Variants in DIP2B observed in about 807,000 individuals in gnomAD.
DIP2B encodes disco-interacting protein 2 homolog B.
DIP2B carries 76 observed loss-of-function variants against 198.0 expected under a neutral mutation model. The ratio of observed to expected loss-of-function variants is 0.38; its 90% confidence interval spans 0.32 to 0.46. DIP2B has a LOEUF of 0.46. DIP2B is among the 20% of genes least tolerant of loss of function. The pLI, the probability that DIP2B is intolerant of heterozygous loss-of-function variation, is 0.99. For synonymous variants in DIP2B, 701 were observed against 739.1 expected, an observed-to-expected ratio of 0.95 and a Z score of 0.84; for missense variants, 1,559 against 1,978.4, an observed-to-expected ratio of 0.79 and a Z score of 4.02.
chr12:50,678,842 C>A lies in DIP2B; in HGVS notation c.1080C>A (p.Asp360Glu). ...AATGCTCCTGTCTGACTGCACTGGA[C>A]ATGACAGGGAAACCAGTTTACACTC... Reference protein sequence around the residue: ...QAKCSCLTALDMTGKPVYTLT... With the variant: ...QAKCSCLTALEMTGKPVYTLT... The change falls in exon 8 of 38, where the codon GAC becomes GAA. Residue 360 changes from aspartate to glutamate, a missense_variant. Physicochemically the swap from Asp to Glu is conservative, Grantham distance 45. Coordinates refer to ENST00000301180, the MANE Select transcript of DIP2B (RefSeq NM_173602.3). 6.2e-7 allele frequency: 1 copy of A among 1,614,200 alleles called. No individual in the cohort carries two copies. Among genetic ancestry groups the A allele is most frequent in the South Asian group, 1.1e-5 (1 of 91,088 alleles).
chr12:50,505,761 C>T (rs541320832), intron 1 of DIP2B, among the ~76,000 whole-genome samples: 11 of 152,222 alleles, frequency 7.2e-5, no homozygotes, highest in African/African-American at 2.6e-4. Context: ...GAGTGAGACA[C>T]AAGCGGGTGA....
intron 1 of DIP2B, among the ~76,000 whole-genome samples, chr12:50,619,164 A>G (rs1301778777): frequency 6.6e-6 from 1 of 152,246 alleles, no homozygotes; most frequent in South Asian, 2.1e-4. Flanking sequence ...CTCTCTGTCC[A>G]TTAAGACTGC....
In DIP2B at chr12:50,664,836, G is replaced by GTTTTTTTT. The variant is rs1159665939; in HGVS notation, c.427+4546_427+4553dup. Among the ~76,000 whole-genome samples the GTTTTTTTT allele has an allele frequency of 3.1e-3, 49 of 15,972 alleles. 2 individuals carry two copies. The highest frequency in any genetic ancestry group is 6.5e-3 in the African/African-American group (45 of 6,954). 10.5% of individuals were successfully genotyped at this position (15,972 alleles called of 152,430 possible). A position where few individuals can be genotyped will look rare whatever the true frequency, so the allele number is the denominator to read the frequency against. ...GAATTTCCCTCCTTTTTTGGTTTTTGTTTTTTTTTTTTTTTTTTTTTTTTT... is the reference window on the plus strand; with the variant it reads ...GAATTTCCCTCCTTTTTTGGTTTTTGTTTTTTTTTTTTTTTTTTTTTTTTTTTTTTTTT... On this transcript the variant is annotated intron_variant, in intron 4 of 37. Coordinates refer to ENST00000301180, the MANE Select transcript of DIP2B (RefSeq NM_173602.3).
intron 1 of DIP2B, among the ~76,000 whole-genome samples, chr12:50,587,402 A>T (rs570696859): frequency 4.6e-5 from 7 of 152,318 alleles, no homozygotes; most frequent in African/African-American, 1.7e-4. Flanking sequence ...TGACTAATTA[A>T]TGCAAAGCTA....
chr12:50,557,488 C>T (rs1236557265), intron 1 of DIP2B, among the ~76,000 whole-genome samples: 1 of 152,150 alleles, frequency 6.6e-6, no homozygotes, highest in African/African-American at 2.4e-5. Flanking sequence ...ATCGGCTGTA[C>T]ATTCTTACTT....
At chr12:50,583,319 A>G (rs1274366136) in intron 1 of DIP2B, among the ~76,000 whole-genome samples, 1 of 151,250 alleles carries the variant, frequency 6.6e-6, no homozygotes, top group African/African-American at 2.4e-5. Context: ...TTTGGCAGCC[A>G]GACTCCTCTT....
intron 27 of DIP2B, among the ~76,000 whole-genome samples, chr12:50,723,826 A>AT (rs1297319706): frequency 3.5e-4 from 54 of 152,288 alleles, no homozygotes; most frequent in Admixed American, 1.4e-3. Flanking sequence ...TATCTAGGCG[A>AT]TTTTAAATGC....
intron 17 of DIP2B, among the ~76,000 whole-genome samples, chr12:50,698,085 G>A (rs1939349441): frequency 6.7e-6 from 1 of 149,706 alleles, no homozygotes; most frequent in African/African-American, 2.5e-5. Flanking sequence ...TGTAGAGATG[G>A]GGGTCCCACT....
chr12:50,653,436 C>T (rs1392632959), intron 3 of DIP2B, among the ~76,000 whole-genome samples: 1 of 150,124 alleles, frequency 6.7e-6, no homozygotes, highest in Non-Finnish European at 1.5e-5. Context: ...AGTTCTCCCA[C>T]CTCAACCCCG....
At chr12:50,740,862 C>G (rs957756211) in intron 36 of DIP2B, among the ~76,000 whole-genome samples, 1 of 152,114 alleles carries the variant, frequency 6.6e-6, no homozygotes, top group Non-Finnish European at 1.5e-5. Context: ...TTCCTCTGTC[C>G]CTCCCCTCTG....
intron 1 of DIP2B, among the ~76,000 whole-genome samples, chr12:50,547,894 C>A (rs1206244865): frequency 5.3e-5 from 8 of 151,978 alleles, no homozygotes; most frequent in Non-Finnish European, 7.4e-5. Flanking sequence ...TGTAGTGAGA[C>A]CCCATCTTTA....
chr12:50,527,309 G>C (rs1236447442), intron 1 of DIP2B, among the ~76,000 whole-genome samples: 2 of 152,216 alleles, frequency 1.3e-5, no homozygotes, highest in Non-Finnish European at 2.9e-5. Context: ...TGTACACACA[G>C]AGTATTTGTC....
intron 7 of DIP2B, among the ~76,000 whole-genome samples, chr12:50,677,813 T>C (rs1373614309): frequency 1.3e-5 from 2 of 152,032 alleles, no homozygotes; most frequent in Non-Finnish European, 2.9e-5. Flanking sequence ...TCAGCTGACA[T>C]TGTTGAACAA....
intron 1 of DIP2B, among the ~76,000 whole-genome samples, chr12:50,541,811 G>A (rs1417585750): frequency 6.6e-6 from 1 of 150,716 alleles, no homozygotes; most frequent in Admixed American, 6.6e-5. Context: ...AGACCAGTCT[G>A]GCAAACATGG....
chr12:50,602,752 G>A (rs1593647776), intron 1 of DIP2B, among the ~76,000 whole-genome samples: 1 of 151,520 alleles, frequency 6.6e-6, no homozygotes, highest in South Asian at 2.1e-4. Flanking sequence ...TTAGCTACTC[G>A]GGAGGCTGAG....
At chr12:50,634,968 T>A (rs2139480785) in intron 2 of DIP2B, among the ~76,000 whole-genome samples, 1 of 152,320 alleles carries the variant, frequency 6.6e-6, no homozygotes, top group African/African-American at 2.4e-5. Flanking sequence ...CCTGGCAACT[T>A]GTTTCCACCC....
chr12:50,547,959 C>T (rs1393964229), intron 1 of DIP2B, among the ~76,000 whole-genome samples: 2 of 152,122 alleles, frequency 1.3e-5, no homozygotes, highest in Admixed American at 1.3e-4. Context: ...GTTCTAGCTA[C>T]TTGGGAGGCT....
At chr12:50,565,871 T>C (rs1397578088) in intron 1 of DIP2B, among the ~76,000 whole-genome samples, 1 of 152,226 alleles carries the variant, frequency 6.6e-6, no homozygotes, top group Non-Finnish European at 1.5e-5. Context: ...TGTTAACTGC[T>C]TAATCTAAGT....
At chr12:50,734,692 A>G (rs1592147913) in intron 33 of DIP2B, among the ~76,000 whole-genome samples, 1 of 152,174 alleles carries the variant, frequency 6.6e-6, no homozygotes, top group East Asian at 1.9e-4. Flanking sequence ...TGTTATCTGG[A>G]GTGCCCCACT....
Sources: allele counts gnomAD v4.1 joint callset (sites outside exome capture counted in the v4.1 genomes callset), GRCh38; gene constraint gnomAD v4.1.1; transcripts MANE v1.5; gene names NCBI Gene and HGNC (gene_info 2026-07-23, HGNC 2026-07-21).